The following CORIN variants were observed in gnomAD, a reference collection of about 807,000 sequenced individuals.
The protein encoded by CORIN is atrial natriuretic peptide-converting enzyme.
CORIN carries 117 observed loss-of-function variants against 125.3 expected under a neutral mutation model. The observed-to-expected ratio is 0.93, with a 90% CI of 0.80 to 1.09. The LOEUF (loss-of-function observed/expected upper bound fraction) is 1.09. Among genes scored for constraint, CORIN ranks in the 50% least tolerant of loss-of-function variants. The pLI, the probability that CORIN is intolerant of heterozygous loss-of-function variation, is 0.00. For synonymous variants in CORIN, 450 were observed against 466.4 expected (o/e 0.96, Z 0.45); for missense variants, 1,253 against 1,306.7 (o/e 0.96, Z 0.63).
intron 4 of CORIN, among the ~76,000 whole-genome samples, chr4:47,755,585 A>T (rs1729098874): frequency 6.6e-6 from 1 of 152,198 alleles, no homozygotes; most frequent in African/African-American, 2.4e-5. Context: ...TTCAGGCACA[A>T]TCTAGTAATT....
intron 2 of CORIN, among the ~76,000 whole-genome samples, chr4:47,799,415 A>C (rs563837112): frequency 7.2e-5 from 11 of 152,122 alleles, no homozygotes; most frequent in African/African-American, 2.4e-4. Context: ...CCTTTTCTCA[A>C]CAGCATCTGT....
intron 5 of CORIN, among the ~76,000 whole-genome samples, chr4:47,727,451 A>G (rs911407750): frequency 6.6e-6 from 1 of 152,166 alleles, no homozygotes. Flanking sequence ...ATTTATAAAC[A>G]TTTATAATAG....
At chr4:47,802,624 T>C (rs1189180550) in intron 2 of CORIN, among the ~76,000 whole-genome samples, 1 of 151,998 alleles carries the variant, frequency 6.6e-6, no homozygotes, top group Non-Finnish European at 1.5e-5. Context: ...AGTTCTAAGG[T>C]TTTTTACTTC....
At chr4:47,785,631 G>C (rs1730758109) in intron 3 of CORIN, among the ~76,000 whole-genome samples, 1 of 152,076 alleles carries the variant, frequency 6.6e-6, no homozygotes, top group African/African-American at 2.4e-5. Context: ...AGGAAATAGG[G>C]GGCTGGGTGC....
intron 16 of CORIN, among the ~76,000 whole-genome samples, chr4:47,634,930 C>T (rs186247213): frequency 5.3e-5 from 8 of 152,152 alleles, no homozygotes; most frequent in African/African-American, 1.4e-4. Flanking sequence ...AATATGTGCC[C>T]GCTGCATGTG....
At chr4:47,706,883 A>T (rs1009218043) in intron 5 of CORIN, 8 of 1,599,206 alleles carry the variant, frequency 5.0e-6, no homozygotes, top group Non-Finnish European at 5.9e-6. Context: ...AGGCCGAAAG[A>T]GCCGTGGCCT....
chr4:47,751,956 G>A (rs35938045), intron 4 of CORIN, among the ~76,000 whole-genome samples: 22,159 of 151,458 alleles, frequency 0.15, 2,279 homozygotes, highest in African/African-American at 0.28. Context: ...CTTACGTCAG[G>A]CCCCCCCACC....
At chr4:47,625,539 T>C (rs1341866951) in intron 17 of CORIN, among the ~76,000 whole-genome samples, 2 of 152,176 alleles carry the variant, frequency 1.3e-5, no homozygotes, top group Non-Finnish European at 1.5e-5. Flanking sequence ...AGTACTTCAA[T>C]TGACAAATAT....
rs1229606980 is a variant in CORIN at position 47,594,356 on chromosome 4, G to A, written c.*1365C>T. 1 of 152,580 alleles carries A rather than the reference G, an allele frequency of 6.6e-6. No homozygotes were observed. The highest frequency in any genetic ancestry group is 2.4e-5 in the African/African-American group (1 of 41,448). The allele number at this position is 152,580 out of a possible 1,614,324, so 9.5% of individuals were successfully genotyped here. On this transcript the variant is annotated 3_prime_UTR_variant, in exon 22 of 22. Coordinates refer to ENST00000273857, the MANE Select transcript of CORIN (RefSeq NM_006587.4). Reference sequence around the variant, plus strand: ...TGCTGAGGCAGTCCAGGTTGCTGGTGGAGGTTAGTAGGGAATCCTAGTTGT... The same window carrying A: ...TGCTGAGGCAGTCCAGGTTGCTGGTAGAGGTTAGTAGGGAATCCTAGTTGT...
At chr4:47,741,325 C>T (rs1179342286) in intron 5 of CORIN, among the ~76,000 whole-genome samples, 1 of 151,980 alleles carries the variant, frequency 6.6e-6, no homozygotes, top group Non-Finnish European at 1.5e-5. Flanking sequence ...CACTAACAAG[C>T]ACATGACATG....
intron 5 of CORIN, among the ~76,000 whole-genome samples, chr4:47,697,044 C>T (rs1187435567): frequency 6.6e-6 from 1 of 152,134 alleles, no homozygotes; most frequent in Non-Finnish European, 1.5e-5. Flanking sequence ...CACATGGGCC[C>T]GTGCTGAGAG....
chr4:47,810,937 T>A (rs957661828), intron 1 of CORIN, among the ~76,000 whole-genome samples: 1 of 152,200 alleles, frequency 6.6e-6, no homozygotes, highest in Non-Finnish European at 1.5e-5. Context: ...TTCATCCCCA[T>A]ATCTGGTATT....
At position 47,786,301 on chromosome 4, in the gene CORIN, G is replaced by A. The variant is rs542246696; in HGVS notation, c.409+424C>T. Among the ~76,000 whole-genome samples, 9 of 152,136 alleles carry A rather than the reference G, an allele frequency of 5.9e-5. No individual in the cohort carries two copies. The South Asian group carries it at 1.2e-3, about 21-fold the overall frequency. On this transcript the variant is annotated intron_variant, in intron 3 of 21. Transcript: ENST00000273857. ...TGTAATCCTGGCACTTTGGGAGGCC[G>A]AGGCGGGCGGATCACTTGAGGTCAG... is the stretch of plus-strand genomic sequence containing the variant.
chr4:47,700,853 C>G (rs909073558), intron 5 of CORIN, among the ~76,000 whole-genome samples: 4 of 152,220 alleles, frequency 2.6e-5, no homozygotes, highest in Admixed American at 2.0e-4. Flanking sequence ...GCCACTCAAC[C>G]TGGGTGACCC....
At chr4:47,837,500 G>T in intron 1 of CORIN, 1 of 308,534 alleles carries the variant, frequency 3.2e-6, no homozygotes, top group Non-Finnish European at 6.1e-6. Context: ...CTCCCCTGCC[G>T]CCAGTGTGCA....
At chr4:47,660,051 A>C (rs538479376) in intron 12 of CORIN, among the ~76,000 whole-genome samples, 31 of 152,292 alleles carry the variant, frequency 2.0e-4, no homozygotes, top group African/African-American at 7.0e-4. Flanking sequence ...CAGTGAACTC[A>C]TTTTCAGCAA....
In CORIN at chr4:47,772,531, G is replaced by A. The variant is rs191212870; in HGVS notation, c.410-8945C>T. Among the ~76,000 whole-genome samples, 152 of 152,258 alleles carry A rather than the reference G, an allele frequency of 1.0e-3. 1 individual carries two copies. The highest frequency in any genetic ancestry group is 3.6e-3 in the African/African-American group (150 of 41,570). On this transcript the variant is annotated intron_variant, in intron 3 of 21. Coordinates refer to ENST00000273857, the MANE Select transcript of CORIN (RefSeq NM_006587.4). ...AATGAATGATAACAATAATTAAAATGTATATAGTGTCTTCAAGTTTGTTAA... is the reference window on the plus strand; with the variant it reads ...AATGAATGATAACAATAATTAAAATATATATAGTGTCTTCAAGTTTGTTAA...
At chr4:47,836,497 C>T (rs980317586) in intron 1 of CORIN, among the ~76,000 whole-genome samples, 1 of 152,194 alleles carries the variant, frequency 6.6e-6, no homozygotes, top group Non-Finnish European at 1.5e-5. Flanking sequence ...GTTTCGCTTC[C>T]ATCGATAAGT....
At chr4:47,815,638 A>G (rs760872060) in intron 1 of CORIN, among the ~76,000 whole-genome samples, 16 of 152,168 alleles carry the variant, frequency 1.1e-4, no homozygotes, top group Non-Finnish European at 1.9e-4. Flanking sequence ...TTAAAGTAAT[A>G]AAGTTTCCTT....
Sources: gnomAD v4.1 joint callset for allele counts (sites outside exome capture counted in the v4.1 genomes callset) on GRCh38, gnomAD v4.1.1 for gene constraint, MANE v1.5 for transcripts, NCBI Gene and HGNC (gene_info 2026-07-23, HGNC 2026-07-21) for gene names.